Variants in HPSE2 observed in about 807,000 individuals in gnomAD.
The protein encoded by HPSE2 is heparanase 2 (inactive).
Under a neutral mutation model 60.5 loss-of-function variants are expected in HPSE2, and 38 were observed. That is an observed-to-expected ratio of 0.63 (90% CI 0.48 to 0.82). The LOEUF is 0.82. Among genes scored for constraint, HPSE2 ranks in the 40% least tolerant of loss-of-function variants. The probability of loss-of-function intolerance (pLI) is 0.00; values close to 1 mark genes in which losing one functional copy is unlikely to be tolerated. For missense variants in HPSE2, 713 were observed against 740.4 expected (o/e 0.96, Z 0.43); for synonymous variants, 295 against 293.2 (o/e 1.01, Z -0.06).
In HPSE2 at chr10:98,848,482, A is replaced by G. The variant is rs928156792; in HGVS notation, c.611-104426T>C. Among the ~76,000 whole-genome samples, 4 of 152,232 alleles carry G rather than the reference A, an allele frequency of 2.6e-5. No individual in the cohort carries two copies. In the East Asian group the frequency reaches 7.7e-4, roughly 29 times the overall value. On this transcript the variant is annotated intron_variant, in intron 3 of 11. Coordinates refer to ENST00000370552, the MANE Select transcript of HPSE2 (RefSeq NM_021828.5). ...AGGTTAGAGAAAAAGAGGAAATCAGATCAAAGGAAACTCATAAACACCATC... is the reference window on the plus strand; with the variant it reads ...AGGTTAGAGAAAAAGAGGAAATCAGGTCAAAGGAAACTCATAAACACCATC...
chr10:98,552,902 T>A (rs80117669), intron 9 of HPSE2, among the ~76,000 whole-genome samples: 1,798 of 152,256 alleles, frequency 0.012, 31 homozygotes, highest in African/African-American at 0.041. Context: ...CATCAGCTAC[T>A]ACACTGCAAG....
intron 4 of HPSE2, among the ~76,000 whole-genome samples, chr10:98,727,760 GA>G (rs146054514): frequency 0.038 from 5,737 of 151,656 alleles, 238 homozygotes; most frequent in East Asian, 0.17. Flanking sequence ...TATACATAAA[GA>G]AAAAGAAATT....
intron 9 of HPSE2, among the ~76,000 whole-genome samples, chr10:98,517,748 A>G (rs1305042312): frequency 6.6e-6 from 1 of 152,190 alleles, no homozygotes; most frequent in Non-Finnish European, 1.5e-5. Context: ...TTTGGAGTCA[A>G]GCACCCTGGA....
chr10:99,309,090 T>TCTATA, the HPSE2 span, among the ~76,000 whole-genome samples: 1 of 152,076 alleles, frequency 6.6e-6, no homozygotes, highest in South Asian at 2.1e-4. Flanking sequence ...AGACCACACA[T>TCTATA]TGTATGACTC....
intron 9 of HPSE2, among the ~76,000 whole-genome samples, chr10:98,547,353 C>T (rs1943717186): frequency 6.7e-6 from 1 of 148,850 alleles, no homozygotes; most frequent in Non-Finnish European, 1.5e-5. Flanking sequence ...GACACATGCA[C>T]ACGTATGTTT....
At chr10:98,863,030 C>A (rs1952497073) in intron 3 of HPSE2, among the ~76,000 whole-genome samples, 1 of 152,124 alleles carries the variant, frequency 6.6e-6, no homozygotes, top group Admixed American at 6.5e-5. Context: ...TCTCAAAGTG[C>A]TGGCATTATA....
At chr10:98,915,579 G>C (rs1028107710) in intron 3 of HPSE2, among the ~76,000 whole-genome samples, 1 of 152,150 alleles carries the variant, frequency 6.6e-6, no homozygotes, top group Non-Finnish European at 1.5e-5. Context: ...CTGAAAGATA[G>C]AATCATCAAA....
chr10:99,068,156 A>C (rs919844445), intron 3 of HPSE2, among the ~76,000 whole-genome samples: 2 of 152,166 alleles, frequency 1.3e-5, no homozygotes, highest in Non-Finnish European at 2.9e-5. Flanking sequence ...GTTTCTAGGA[A>C]GTTCCAAACT....
chr10:98,685,027 T>C (rs1471961588), intron 6 of HPSE2, among the ~76,000 whole-genome samples: 1 of 152,150 alleles, frequency 6.6e-6, no homozygotes, highest in African/African-American at 2.4e-5. Flanking sequence ...TAGAAAAAAT[T>C]TCAAAGTGGG....
rs2135132193 is a variant in HPSE2 at position 98,937,114 on chromosome 10, C to T, written c.611-193058G>A. ...ACCTGTGACAATGGAGCCAAGATGG[C>T]TGAGTAGGAACAGCTCTGGTCTACA... On this transcript the variant is annotated intron_variant, in intron 3 of 11. Coordinates refer to ENST00000370552, the MANE Select transcript of HPSE2 (RefSeq NM_021828.5). Among the ~76,000 whole-genome samples, 3 of 143,210 alleles carry T rather than the reference C, an allele frequency of 2.1e-5. 1 individual carries two copies. The highest frequency in any genetic ancestry group is 8.5e-5 in the African/African-American group (3 of 35,096). 94.0% of individuals were successfully genotyped at this position (143,210 alleles called of 152,430 possible).
At chr10:98,634,959 A>G (rs1229570632) in intron 7 of HPSE2, among the ~76,000 whole-genome samples, 2 of 152,160 alleles carry the variant, frequency 1.3e-5, no homozygotes, top group Non-Finnish European at 2.9e-5. Context: ...CCTTTCCCTC[A>G]CAAACTAAGG....
At chr10:99,194,690 T>C (rs1848333864) in intron 2 of HPSE2, among the ~76,000 whole-genome samples, 2 of 151,688 alleles carry the variant, frequency 1.3e-5, no homozygotes, top group African/African-American at 2.4e-5. Context: ...GATTGAACCA[T>C]GAAAAAAATC....
chr10:99,129,228 C>T (rs1445791983), intron 3 of HPSE2, among the ~76,000 whole-genome samples: 1 of 152,064 alleles, frequency 6.6e-6, no homozygotes, highest in Non-Finnish European at 1.5e-5. Flanking sequence ...GACAGGTCAT[C>T]AATACAGAAA....
chr10:98,744,975 G>C (rs958841791), intron 3 of HPSE2, among the ~76,000 whole-genome samples: 4 of 152,182 alleles, frequency 2.6e-5, no homozygotes, highest in African/African-American at 9.7e-5. Context: ...GGCCGAGGCG[G>C]GTGGATCTCG....
intron 9 of HPSE2, among the ~76,000 whole-genome samples, chr10:98,610,658 A>C (rs1450560342): frequency 4.6e-5 from 7 of 152,214 alleles, no homozygotes; most frequent in Admixed American, 4.6e-4. Flanking sequence ...AGGCAATCCA[A>C]TGTGATCTAG....
rs149529074 is a variant in HPSE2, at chr10:98,702,698, T to A, written c.957-8751A>T. 3.0e-4 allele frequency among the ~76,000 whole-genome samples: 45 copies of A among 152,156 alleles called. No individual in the cohort carries two copies. The East Asian group carries it at 8.3e-3, about 28-fold the overall frequency. On this transcript the variant is annotated intron_variant, in intron 5 of 11. Coordinates refer to ENST00000370552, the MANE Select transcript of HPSE2 (RefSeq NM_021828.5). Reference sequence around the variant, plus strand: ...TCCTGAATGACTCCTGAGTAAATAATTAAACTAAGGAAGAAATAAAGAAGT... The same window carrying A: ...TCCTGAATGACTCCTGAGTAAATAAATAAACTAAGGAAGAAATAAAGAAGT...
chr10:99,065,466 A>C (rs940580819), intron 3 of HPSE2, among the ~76,000 whole-genome samples: 1 of 152,232 alleles, frequency 6.6e-6, no homozygotes, highest in African/African-American at 2.4e-5. Context: ...TATAACTGCT[A>C]AATTTTAAAA....
rs920012124 is a variant in HPSE2, at chr10:98,579,138, A to T, written c.1320+35766T>A. The stretch of plus-strand genomic sequence containing the variant: ...GAAGAATGGCAAGACCCGGAGAATG[A>T]CTTAAAAGACCCAGAATTGCATCAG... On this transcript the variant is annotated intron_variant, in intron 9 of 11. Transcript: ENST00000370552. 3.3e-5 allele frequency among the ~76,000 whole-genome samples: 5 copies of T among 152,286 alleles called. No individual in the cohort carries two copies. The East Asian group carries it at 9.7e-4, about 29-fold the overall frequency.
At chr10:98,844,479 A>G (rs928160067) in intron 3 of HPSE2, among the ~76,000 whole-genome samples, 4 of 152,226 alleles carry the variant, frequency 2.6e-5, no homozygotes, top group Non-Finnish European at 2.9e-5. Flanking sequence ...CAGTACATTG[A>G]AGAATTTGGA....
Sources: allele counts gnomAD v4.1 joint callset (sites outside exome capture counted in the v4.1 genomes callset), GRCh38; gene constraint gnomAD v4.1.1; transcripts MANE v1.5; gene names NCBI Gene and HGNC (gene_info 2026-07-23, HGNC 2026-07-21).